Variants in SGPL1 observed in about 807,000 individuals in gnomAD.
SGPL1 encodes the protein sphingosine-1-phosphate lyase 1, also known as SP-lyase 1.
SGPL1 carries 37 observed loss-of-function variants against 68.9 expected under a neutral mutation model. The observed-to-expected ratio is 0.54, with a 90% CI of 0.41 to 0.71. The LOEUF (loss-of-function observed/expected upper bound fraction) is 0.71. SGPL1 is among the 30% of genes least tolerant of loss of function. The probability of loss-of-function intolerance (pLI) is 0.00; values close to 1 mark genes in which losing one functional copy is unlikely to be tolerated. For missense variants in SGPL1, 551 were observed against 704.6 expected (o/e 0.78, Z 2.47); for synonymous variants, 236 against 248.5 (o/e 0.95, Z 0.47).
chr10:70,821,654 C>T (rs1009560735), intron 2 of SGPL1, among the ~76,000 whole-genome samples: 4 of 152,262 alleles, frequency 2.6e-5, no homozygotes, highest in East Asian at 1.9e-4. Context: ...CACCTTACAA[C>T]GCACAGTTTC....
rs768647000 is a variant in SGPL1 at position 70,876,609 on chromosome 10, G to A, written c.1514G>A (p.Arg505Gln). The change falls in exon 14 of 15, where the codon CGA becomes CAA. Residue 505 changes from arginine (R) to glutamine (Q), a missense_variant. Coordinates refer to ENST00000373202, the MANE Select transcript of SGPL1 (RefSeq NM_003901.4). ...RVAIQFLKDI[R>Q]ESVTQIMKNP... ...GCTATACAATTCCTAAAGGACATTC[G>A]AGAATCTGTCACTCAAATCATGAAG... 1.1e-5 allele frequency: 17 copies of A among 1,613,378 alleles called. No individual in the cohort carries two copies. Among genetic ancestry groups the A allele is most frequent in the Admixed American group, 3.3e-5 (2 of 59,998 alleles).
chr10:70,872,047 A>G, intron 11 of SGPL1, 61 bp downstream of exon 11: 1 of 1,520,694 alleles, frequency 6.6e-7, no homozygotes, highest in Non-Finnish European at 9.0e-7. Context: ...TTGATAAAAT[A>G]AATTGGTAGC....
intron 2 of SGPL1, among the ~76,000 whole-genome samples, chr10:70,823,961 G>A (rs186954361): frequency 1.1e-3 from 161 of 152,280 alleles, no homozygotes; most frequent in Non-Finnish European, 1.6e-3. Context: ...AAGCAGTTTT[G>A]ATATGTCATT....
chr10:70,870,773 T>G (rs1345195708), intron 9 of SGPL1, among the ~76,000 whole-genome samples: 1 of 152,180 alleles, frequency 6.6e-6, no homozygotes. Flanking sequence ...GGCTCACATT[T>G]GGCTCTTTGG....
Position 70,880,976 on chromosome 10 carries a change from T to A in SGPL1, c.*3641T>A, listed in dbSNP as rs1564635137. ...TTCACTCAGTGACACAAGTAATTAC[T>A]GAGTCCTAATTTGATAGCCACCAAC... is the stretch of plus-strand genomic sequence containing the variant. On this transcript the variant is annotated 3_prime_UTR_variant, in exon 15 of 15. Transcript: ENST00000373202. 6.6e-6 allele frequency: 1 copy of A among 152,190 alleles called. No homozygotes were observed. Among genetic ancestry groups the A allele is most frequent in the Non-Finnish European group, 1.5e-5 (1 of 68,046 alleles). 9.4% of individuals were successfully genotyped at this position (152,190 alleles called of 1,614,324 possible).
At chr10:70,859,330 G>T in intron 6 of SGPL1, 41 bp from the exon 7 acceptor site, 1 of 1,358,064 alleles carries the variant, frequency 7.4e-7, no homozygotes, top group Non-Finnish European at 9.6e-7. Context: ...CCTGTATAGT[G>T]TAATAGTTTT....
intron 2 of SGPL1, among the ~76,000 whole-genome samples, chr10:70,822,026 C>T (rs541130513): frequency 1.3e-5 from 2 of 152,290 alleles, no homozygotes; most frequent in South Asian, 4.1e-4. Context: ...TTGAATCTTT[C>T]CAGGTCCTTG....
intron 2 of SGPL1, among the ~76,000 whole-genome samples, chr10:70,821,270 A>G (rs920349221): frequency 3.3e-5 from 5 of 152,202 alleles, no homozygotes; most frequent in Non-Finnish European, 5.9e-5. Flanking sequence ...CCCCTTGGCA[A>G]CCATTCTTTT....
intron 2 of SGPL1, 84 bp downstream of exon 2, chr10:70,816,964 A>C: frequency 1.6e-6 from 2 of 1,253,116 alleles, no homozygotes; most frequent in Non-Finnish European, 2.3e-6. Flanking sequence ...TGTAGATTTC[A>C]CCTCTGATGC....
In SGPL1 at chr10:70,854,911, A is replaced by G. The variant is rs1400602477; in HGVS notation, c.409+56A>G. The G allele has an allele frequency of 4.8e-6, 7 of 1,447,200 alleles. No homozygotes were observed. The Admixed American group carries it at 1.2e-4, about 25-fold the overall frequency. The allele number at this position is 1,447,200 out of a possible 1,614,324, so 89.6% of individuals were successfully genotyped here. A position where few individuals can be genotyped will look rare whatever the true frequency, so the allele number is the denominator to read the frequency against. On this transcript the variant is annotated intron_variant, in intron 5 of 14. Transcript: ENST00000373202. ...CTTCCTTAAAGAGACAGGTTTTGTC[A>G]TTGTTTAATGTTCACATAGGTTAAG...
chr10:70,858,047 A>G (rs1845993785), intron 6 of SGPL1, among the ~76,000 whole-genome samples: 1 of 152,356 alleles, frequency 6.6e-6, no homozygotes, highest in South Asian at 2.1e-4. Context: ...TTCTCAAATC[A>G]TGTGACCCAA....
rs1158331724 is a variant in SGPL1 at position 70,860,500 on chromosome 10, CA to C, written c.615+1005del. The C allele has an allele frequency of 1.1e-5, 5 of 452,304 alleles. No homozygotes were observed. In the East Asian group the frequency reaches 2.8e-4, roughly 25 times the overall value. The allele number at this position is 452,304 out of a possible 1,614,324, so 28.0% of individuals were successfully genotyped here. On this transcript the variant is annotated intron_variant, in intron 7 of 14. Transcript: ENST00000373202. ...ATATGCCTGGCATTCATTTTCAAAGCAAAATACTGAAACTGTTAAAAACAGA... is the reference window on the plus strand; with the variant it reads ...ATATGCCTGGCATTCATTTTCAAAGCAAATACTGAAACTGTTAAAAACAGA...
rs1176755821 is a variant in SGPL1 at position 70,879,624 on chromosome 10, G to C, written c.*2289G>C. The C allele has an allele frequency of 2.6e-5, 4 of 152,514 alleles. No individual in the cohort carries two copies. The highest frequency in any genetic ancestry group is 9.7e-5 in the African/African-American group (4 of 41,442). 9.4% of individuals were successfully genotyped at this position (152,514 alleles called of 1,614,324 possible). ...CCAAGATGGAGAAGCATGTGCCCCTGTAGAGCGTCTCCCCAGAACCAGACC... is the reference window on the plus strand; with the variant it reads ...CCAAGATGGAGAAGCATGTGCCCCTCTAGAGCGTCTCCCCAGAACCAGACC... On this transcript the variant is annotated 3_prime_UTR_variant, in exon 15 of 15. Coordinates refer to ENST00000373202, the MANE Select transcript of SGPL1 (RefSeq NM_003901.4).
At chr10:70,834,872 C>T (rs1564619920) in intron 2 of SGPL1, among the ~76,000 whole-genome samples, 1 of 152,192 alleles carries the variant, frequency 6.6e-6, no homozygotes, top group Non-Finnish European at 1.5e-5. Flanking sequence ...AGTCCTGGCT[C>T]CGCTATTTCC....
intron 4 of SGPL1, among the ~76,000 whole-genome samples, chr10:70,853,048 T>G (rs1845912484): frequency 6.6e-6 from 1 of 152,234 alleles, no homozygotes. Flanking sequence ...TTTGTCTGTT[T>G]TATGGCAATA....
intron 2 of SGPL1, among the ~76,000 whole-genome samples, chr10:70,821,899 CTT>C (rs1420678140): frequency 1.3e-5 from 2 of 152,148 alleles, no homozygotes; most frequent in African/African-American, 4.8e-5. Context: ...TGCAGCTGAT[CTT>C]TTATAGCAAT....
chr10:70,834,216 A>G (rs1410336685), intron 2 of SGPL1, among the ~76,000 whole-genome samples: 1 of 152,200 alleles, frequency 6.6e-6, no homozygotes, highest in Non-Finnish European at 1.5e-5. Context: ...TACAAAATAC[A>G]CATTCTGTAC....
rs1846470127 is a variant in SGPL1 at position 70,879,856 on chromosome 10, TATC to T, written c.*2524_*2526del. ...AGAGGTGGGTAGAGACACTTAATAG[TATC>T]ATGTCGCATGCAGATGTCACATCGG... is the stretch of plus-strand genomic sequence containing the variant. On this transcript the variant is annotated 3_prime_UTR_variant, in exon 15 of 15. Transcript: ENST00000373202. 1 of 152,636 alleles carries T rather than the reference TATC, an allele frequency of 6.6e-6. No homozygotes were observed. The highest frequency in any genetic ancestry group is 2.1e-4 in the South Asian group (1 of 4,828). The allele number at this position is 152,636 out of a possible 1,614,324, so 9.5% of individuals were successfully genotyped here.
intron 11 of SGPL1, among the ~76,000 whole-genome samples, chr10:70,872,702 G>GT (rs1564632023): frequency 1.3e-5 from 2 of 152,170 alleles, no homozygotes; most frequent in Non-Finnish European, 2.9e-5. Flanking sequence ...GTCAGCATCT[G>GT]TTTTTTCCTT....
Sources: allele counts gnomAD v4.1 joint callset (sites outside exome capture counted in the v4.1 genomes callset), GRCh38; gene constraint gnomAD v4.1.1; transcripts MANE v1.5; gene names NCBI Gene and HGNC (gene_info 2026-07-23, HGNC 2026-07-21).